PRCD: variants seen among roughly 807,000 people sequenced by gnomAD.
PRCD encodes the protein photoreceptor disc component, also known as photoreceptor disk component PRCD.
Under a neutral mutation model 10.1 loss-of-function variants are expected in PRCD, and 12 were observed. That is an observed-to-expected ratio of 1.18 (90% CI 0.76 to 1.92). The LOEUF is 1.92. PRCD is among the 40% of genes most tolerant of loss of function. The pLI, the probability that PRCD is intolerant of heterozygous loss-of-function variation, is 0.00. For missense variants in PRCD, 61 were observed against 72.2 expected (o/e 0.84, Z 0.56); for synonymous variants, 31 against 26.2 (o/e 1.18, Z -0.56).
In PRCD at chr17:76,533,647, C is replaced by T. The variant is rs902474793; in HGVS notation, n.45+5814C>T. Among the ~76,000 whole-genome samples, 10 of 152,006 alleles carry T rather than the reference C, an allele frequency of 6.6e-5. No individual in the cohort carries two copies. The highest frequency in any genetic ancestry group is 1.2e-4 in the Non-Finnish European group (8 of 68,010). On this transcript the variant is annotated intron_variant and non_coding_transcript_variant, in intron 1 of 4. Coordinates refer to the PRCD transcript ENST00000397633. This position sits in a 1 kb window ranked among gnomAD's most constrained non-coding sequence, Gnocchi z 4.5. ...CTAAAGTGGGAGGATCACTTGAACC[C>T]GGGAGGCCAAGGCTGCAGGGAGCCA...
Position 76,540,264 on chromosome 17 carries a change from C to CG in PRCD, c.74+49_74+50insG. 2 of 566,106 alleles carry CG rather than the reference C, an allele frequency of 3.5e-6. No individual in the cohort carries two copies. Among genetic ancestry groups the CG allele is most frequent in the Admixed American group, 4.6e-5 (1 of 21,574 alleles). 35.1% of individuals were successfully genotyped at this position (566,106 alleles called of 1,614,324 possible). On this transcript the variant is annotated intron_variant, in intron 1 of 4. Transcript: ENST00000592014. The surrounding 1 kb of genome is among the most constrained non-coding windows in gnomAD (Gnocchi z 5.0). ...CTGGCGGTTGGTCGGGGGGGGGGGG[C>CG]ATGGGGCTGGGCTGCCACCAAGCTG...
rs777872581 is a variant in PRCD, at chr17:76,531,808, G to A, written n.45+3975G>A. 1.4e-4 allele frequency: 111 copies of A among 816,876 alleles called. 1 individual carries two copies. The highest frequency in any genetic ancestry group is 4.3e-4 in the East Asian group (16 of 37,464). 50.6% of individuals were successfully genotyped at this position (816,876 alleles called of 1,614,324 possible). A position where few individuals can be genotyped will look rare whatever the true frequency, so the allele number is the denominator to read the frequency against. On this transcript the variant is annotated intron_variant and non_coding_transcript_variant, in intron 1 of 4. Coordinates refer to the PRCD transcript ENST00000397633. The surrounding 1 kb of genome is among the most constrained non-coding windows in gnomAD (Gnocchi z 7.4). ...CCGCAGTGCTCCCCACCCCCGCACC[G>A]TCACTGTTTTCACTACCATCAGTAG...
chr17:76,534,974 T>C (rs1229663475), intron 1 of PRCD, among the ~76,000 whole-genome samples: 3 of 152,212 alleles, frequency 2.0e-5, no homozygotes, highest in Admixed American at 1.3e-4. Flanking sequence ...CAGCCAGCCC[T>C]GGGGAGTTTC....
rs1374681041 is a variant in PRCD, at chr17:76,533,444, G to A, written n.45+5611G>A. 6.6e-6 allele frequency among the ~76,000 whole-genome samples: 1 copy of A among 152,238 alleles called. No individual in the cohort carries two copies. Among genetic ancestry groups the A allele is most frequent in the African/African-American group, 2.4e-5 (1 of 41,456 alleles). On this transcript the variant is annotated intron_variant and non_coding_transcript_variant, in intron 1 of 4. Coordinates refer to the PRCD transcript ENST00000397633. The surrounding 1 kb of genome is among the most constrained non-coding windows in gnomAD (Gnocchi z 4.5). ...AATTGCAATAAAAAATAATGATATG[G>A]CCGGGCACGGTGGCTCACGCCTATA...
chr17:76,545,458 T>G (rs2075045464), downstream of PRCD: 1 of 440,730 alleles, frequency 2.3e-6, no homozygotes, highest in Admixed American at 2.4e-5. Context: ...GCTCAGGGGC[T>G]TGGGAGAGGG....
chr17:76,547,777 TAC>T (rs936160939), downstream of PRCD, among the ~76,000 whole-genome samples: 29 of 142,378 alleles, frequency 2.0e-4, no homozygotes, highest in Non-Finnish European at 2.1e-4. Flanking sequence ...AAACATATAA[TAC>T]ACACACAGAC....
upstream of PRCD, among the ~76,000 whole-genome samples, chr17:76,535,586 G>T (rs769024142): frequency 6.6e-5 from 10 of 152,178 alleles, no homozygotes; most frequent in Non-Finnish European, 1.5e-4. Context: ...TCAGAGTGGT[G>T]AGGGGTTACT....
At position 76,528,669 on chromosome 17, in the gene PRCD, G is replaced by T; in HGVS notation, n.45+836G>T. ...TTACCAGAGGCAGGGAAGGACCCTC[G>T]GGGGAAAGGGGGAGGACCTGGGGCT... On this transcript the variant is annotated intron_variant and non_coding_transcript_variant, in intron 1 of 4. Transcript: ENST00000397633. The surrounding 1 kb of genome is among the most constrained non-coding windows in gnomAD (Gnocchi z 5.8). 1 of 1,241,038 alleles carries T rather than the reference G, an allele frequency of 8.1e-7. No individual in the cohort carries two copies. Among genetic ancestry groups the T allele is most frequent in the South Asian group, 4.0e-5 (1 of 25,142 alleles). 76.9% of individuals were successfully genotyped at this position (1,241,038 alleles called of 1,614,324 possible). A position where few individuals can be genotyped will look rare whatever the true frequency, so the allele number is the denominator to read the frequency against.
rs1293659857 is a variant in PRCD at position 76,543,951 on chromosome 17, G to A, written c.*301G>A. 2.1e-6 allele frequency: 1 copy of A among 468,614 alleles called. No individual in the cohort carries two copies. Among genetic ancestry groups the A allele is most frequent in the Admixed American group, 2.3e-5 (1 of 42,600 alleles). 29.0% of individuals were successfully genotyped at this position (468,614 alleles called of 1,614,324 possible). The stretch of plus-strand genomic sequence containing the variant: ...GTTTTCTGTATGTGTGCAAGCGCGT[G>A]TGTTCCAAACGGGCAGTAGCGTGTG... On this transcript the variant is annotated 3_prime_UTR_variant, in exon 5 of 5. Transcript: ENST00000592014.
rs1252443604 is a variant in PRCD at position 76,531,514 on chromosome 17, G to C, written n.45+3681G>C. 6.2e-7 allele frequency: 1 copy of C among 1,613,946 alleles called. No individual in the cohort carries two copies. The highest frequency in any genetic ancestry group is 1.1e-5 in the South Asian group (1 of 91,090). On this transcript the variant is annotated intron_variant and non_coding_transcript_variant, in intron 1 of 4. Coordinates refer to the PRCD transcript ENST00000397633. The surrounding 1 kb of genome is among the most constrained non-coding windows in gnomAD (Gnocchi z 7.4). ...TGAGGGCGTGGGCTTTCCCCACAAG[G>C]GCGAGCACAGAGGACACCTTGTCGG...
rs2074819458 is a variant in PRCD at position 76,530,203 on chromosome 17, C to T, written n.45+2370C>T. 6.6e-6 allele frequency among the ~76,000 whole-genome samples: 1 copy of T among 152,150 alleles called. No individual in the cohort carries two copies. Among genetic ancestry groups the T allele is most frequent in the African/African-American group, 2.4e-5 (1 of 41,430 alleles). Reference sequence around the variant, plus strand: ...CCCGCCTCCGCTCCTCTCCTCCTTCCTACTCCAGCCCTGCCTCCGCCTCTC... The same window carrying T: ...CCCGCCTCCGCTCCTCTCCTCCTTCTTACTCCAGCCCTGCCTCCGCCTCTC... On this transcript the variant is annotated intron_variant and non_coding_transcript_variant, in intron 1 of 4. Coordinates refer to the PRCD transcript ENST00000397633. The surrounding 1 kb of genome is among the most constrained non-coding windows in gnomAD (Gnocchi z 6.1).
At chr17:76,538,599 CAA>C, upstream of PRCD, 1 of 423,046 alleles carries the variant, frequency 2.4e-6, no homozygotes, top group South Asian at 1.7e-5. Context: ...ACCTGGCAGA[CAA>C]AAAGTCTTGA....
rs2074792123 is a variant in PRCD at position 76,528,442 on chromosome 17, G to C, written n.45+609G>C. 1.2e-6 allele frequency: 1 copy of C among 840,332 alleles called. No individual in the cohort carries two copies. The highest frequency in any genetic ancestry group is 1.8e-5 in the African/African-American group (1 of 56,892). The allele number at this position is 840,332 out of a possible 1,614,324, so 52.1% of individuals were successfully genotyped here. On this transcript the variant is annotated intron_variant and non_coding_transcript_variant, in intron 1 of 4. Transcript: ENST00000397633. This position sits in a 1 kb window ranked among gnomAD's most constrained non-coding sequence, Gnocchi z 5.8. ...CCAGGGGGGGACCCTGGCCGCCACAGAGGCCTCCTTCGGGGAAGTTGAGTC... is the reference window on the plus strand; with the variant it reads ...CCAGGGGGGGACCCTGGCCGCCACACAGGCCTCCTTCGGGGAAGTTGAGTC...
Position 76,540,714 on chromosome 17 carries a change from T to C in PRCD, c.143+141T>C, listed in dbSNP as rs2143147040. ...CCCTTGCCCTAAGCACCCTGCTCCC[T>C]GTCCGCCTGCTGGGCAGGCTGGATG... On this transcript the variant is annotated intron_variant, in intron 2 of 4. Transcript: ENST00000592014. The surrounding 1 kb of genome is among the most constrained non-coding windows in gnomAD (Gnocchi z 5.0). The C allele has an allele frequency of 2.5e-6, 2 of 814,012 alleles. No individual in the cohort carries two copies. Among genetic ancestry groups the C allele is most frequent in the East Asian group, 2.7e-5 (1 of 37,230 alleles). The allele number at this position is 814,012 out of a possible 1,614,324, so 50.4% of individuals were successfully genotyped here. A position where few individuals can be genotyped will look rare whatever the true frequency, so the allele number is the denominator to read the frequency against.
At position 76,531,531 on chromosome 17, in the gene PRCD, C is replaced by T. The variant is rs1389357418; in HGVS notation, n.45+3698C>T. On this transcript the variant is annotated intron_variant and non_coding_transcript_variant, in intron 1 of 4. Transcript: ENST00000397633. This position sits in a 1 kb window ranked among gnomAD's most constrained non-coding sequence, Gnocchi z 7.4. The stretch of plus-strand genomic sequence containing the variant: ...CCCACAAGGGCGAGCACAGAGGACA[C>T]CTTGTCGGGGTCATGCAGGTTCTCC... 3 of 1,614,146 alleles carry T rather than the reference C, an allele frequency of 1.9e-6. No individual in the cohort carries two copies. The highest frequency in any genetic ancestry group is 3.3e-5 in the Admixed American group (2 of 60,026).
intron 1 of PRCD, chr17:76,529,513 C>A: frequency 1.0e-6 from 1 of 985,466 alleles, no homozygotes; most frequent in Non-Finnish European, 1.2e-6. Context: ...TTCACTGGGG[C>A]TCGCGCCCAG....
downstream of PRCD, chr17:76,546,738 C>T (rs1387852731): frequency 3.3e-5 from 5 of 152,190 alleles, no homozygotes; most frequent in African/African-American, 1.2e-4. This position sits in a 1 kb window ranked among gnomAD's most constrained non-coding sequence, Gnocchi z 4.5. Context: ...TGATACTAAT[C>T]GTATGATTAA....
rs1177613535 is a variant in PRCD, at chr17:76,540,419, T to C, written c.75-86T>C. The C allele has an allele frequency of 6.9e-7, 1 of 1,454,844 alleles. No homozygotes were observed. The highest frequency in any genetic ancestry group is 9.7e-7 in the Non-Finnish European group (1 of 1,035,760). 90.1% of individuals were successfully genotyped at this position (1,454,844 alleles called of 1,614,324 possible). On this transcript the variant is annotated intron_variant, in intron 1 of 4. Coordinates refer to ENST00000592014, the MANE Select transcript of PRCD (RefSeq NM_001077620.3). This position sits in a 1 kb window ranked among gnomAD's most constrained non-coding sequence, Gnocchi z 5.0. ...GCTCTAGTTGCAGCCTCTACTCCCATAGCCCAATGCGGCCTGGACCTGTGG... is the reference window on the plus strand; with the variant it reads ...GCTCTAGTTGCAGCCTCTACTCCCACAGCCCAATGCGGCCTGGACCTGTGG...
chr17:76,534,100 TTTC>T (rs1411950286), intron 1 of PRCD, among the ~76,000 whole-genome samples: 1 of 69,596 alleles, frequency 1.4e-5, no homozygotes, highest in South Asian at 2.7e-4. Flanking sequence ...CTTTTTTCTT[TTTC>T]TTTCTTTCTT....
Sources: allele counts gnomAD v4.1 joint callset (sites outside exome capture counted in the v4.1 genomes callset), GRCh38; gene constraint gnomAD v4.1.1; non-coding constraint Gnocchi (gnomAD v3.1); transcripts MANE v1.5; gene names NCBI Gene and HGNC (gene_info 2026-07-23, HGNC 2026-07-21).